CHCHD6: variants seen among roughly 807,000 people sequenced by gnomAD.
The protein encoded by CHCHD6 is MICOS complex subunit MIC25.
In CHCHD6, 28 loss-of-function variants were observed where a neutral mutation model predicts 32.3. That is an observed-to-expected ratio of 0.87 (90% CI 0.64 to 1.19). CHCHD6 has a LOEUF of 1.19. Among genes scored for constraint, CHCHD6 ranks in the 50% most tolerant of loss-of-function variants. The pLI is 0.00. For missense variants in CHCHD6, 333 were observed against 307.0 expected, an observed-to-expected ratio of 1.08 and a Z score of -0.63; for synonymous variants, 122 against 117.5, an observed-to-expected ratio of 1.04 and a Z score of -0.25.
At chr3:126,723,712 T>A (rs1935413203) in intron 1 of CHCHD6, among the ~76,000 whole-genome samples, 2 of 152,212 alleles carry the variant, frequency 1.3e-5, no homozygotes, top group African/African-American at 4.8e-5. Flanking sequence ...GATGTTTATG[T>A]GATTTCCTTT....
At chr3:126,821,603 T>C (rs1157977534) in intron 4 of CHCHD6, among the ~76,000 whole-genome samples, 2 of 152,196 alleles carry the variant, frequency 1.3e-5, no homozygotes, top group Non-Finnish European at 2.9e-5. Flanking sequence ...CTATGATAAC[T>C]CTTAAGTTTA....
At chr3:126,928,941 G>C (rs1241450863) in intron 6 of CHCHD6, among the ~76,000 whole-genome samples, 1 of 152,184 alleles carries the variant, frequency 6.6e-6, no homozygotes, top group Non-Finnish European at 1.5e-5. Context: ...TCAGTTGCCA[G>C]TGCCCATCCT....
At chr3:126,892,273 G>A (rs1159472445) in intron 5 of CHCHD6, among the ~76,000 whole-genome samples, 1 of 152,184 alleles carries the variant, frequency 6.6e-6, no homozygotes, top group Non-Finnish European at 1.5e-5. Flanking sequence ...TTGTTCTTCA[G>A]TTAAGGCGCT....
intron 4 of CHCHD6, 65 bp from the exon 5 acceptor site, chr3:126,852,582 T>C (rs1941509144): frequency 8.4e-7 from 1 of 1,195,036 alleles, no homozygotes; most frequent in Non-Finnish European, 1.2e-6. Context: ...CGTCGCCTTC[T>C]CCCTGCAGCA....
At chr3:126,728,304 A>G (rs774680813) in intron 2 of CHCHD6, among the ~76,000 whole-genome samples, 46 of 152,300 alleles carry the variant, frequency 3.0e-4, no homozygotes, top group Admixed American at 1.8e-3. Context: ...CAACACTGGA[A>G]TCTGTACCAG....
chr3:126,904,917 G>A (rs535434579), intron 5 of CHCHD6, among the ~76,000 whole-genome samples: 1 of 152,314 alleles, frequency 6.6e-6, no homozygotes, highest in South Asian at 2.1e-4. Context: ...GGGGAAGGGT[G>A]GGGTGCCCTG....
intron 1 of CHCHD6, among the ~76,000 whole-genome samples, chr3:126,708,122 T>A (rs1934583901): frequency 6.6e-6 from 1 of 152,148 alleles, no homozygotes; most frequent in African/African-American, 2.4e-5. Context: ...CAGGAGGAGA[T>A]GTTGACTGTG....
At chr3:126,769,960 C>T (rs909047547) in intron 4 of CHCHD6, among the ~76,000 whole-genome samples, 1 of 152,060 alleles carries the variant, frequency 6.6e-6, no homozygotes, top group Admixed American at 6.5e-5. Flanking sequence ...TTTTTGTATC[C>T]GTGAGCATAG....
chr3:126,951,370 A>C (rs2078713380), intron 6 of CHCHD6, among the ~76,000 whole-genome samples: 1 of 152,224 alleles, frequency 6.6e-6, no homozygotes, highest in East Asian at 1.9e-4. Context: ...ACTGCACAGA[A>C]TGTTGTCATG....
chr3:126,834,418 C>G (rs1940772094), intron 4 of CHCHD6, among the ~76,000 whole-genome samples: 1 of 151,944 alleles, frequency 6.6e-6, no homozygotes, highest in Admixed American at 6.6e-5. Context: ...GCCATAGAAA[C>G]CAGCTCTGGC....
chr3:126,903,855 C>A (rs867735853), intron 5 of CHCHD6, among the ~76,000 whole-genome samples: 126 of 152,320 alleles, frequency 8.3e-4, no homozygotes, highest in African/African-American at 2.9e-3. Context: ...ACTTTGCAGC[C>A]ATTTGAAGCT....
At chr3:126,858,310 G>A (rs986621813) in intron 5 of CHCHD6, among the ~76,000 whole-genome samples, 1 of 143,090 alleles carries the variant, frequency 7.0e-6, no homozygotes, top group Admixed American at 6.9e-5. Flanking sequence ...GCGGGGGCGG[G>A]GGGGAGGGGT....
intron 4 of CHCHD6, among the ~76,000 whole-genome samples, chr3:126,807,198 A>T (rs199914229): frequency 0.028 from 4,241 of 151,720 alleles, 133 homozygotes; most frequent in East Asian, 0.14. Context: ...TAAAGTATAA[A>T]AAAAAAAAAA....
At chr3:126,767,210 G>A (rs1559831668) in intron 4 of CHCHD6, 3 of 1,574,218 alleles carry the variant, frequency 1.9e-6, no homozygotes, top group Non-Finnish European at 2.6e-6. Context: ...GGCCATTTTG[G>A]TAATTGGCTG....
intron 4 of CHCHD6, among the ~76,000 whole-genome samples, chr3:126,801,229 G>A (rs1253118325): frequency 1.3e-5 from 2 of 152,226 alleles, no homozygotes; most frequent in African/African-American, 2.4e-5. Context: ...GCGGTGCAGC[G>A]CACCGTGCGC....
intron 4 of CHCHD6, among the ~76,000 whole-genome samples, chr3:126,838,258 G>A (rs772605591): frequency 1.3e-5 from 2 of 152,286 alleles, no homozygotes; most frequent in African/African-American, 4.8e-5. Context: ...AATTTGTATC[G>A]TGTAATGAGG....
chr3:126,865,973 T>A (rs1346210191), intron 5 of CHCHD6, among the ~76,000 whole-genome samples: 1 of 152,094 alleles, frequency 6.6e-6, no homozygotes, highest in East Asian at 1.9e-4. Context: ...CTAAGTACAG[T>A]GCCCAAGACC....
Position 126,906,454 on chromosome 3 carries a change from C to G in CHCHD6, c.496-8226C>G, listed in dbSNP as rs150050348. On this transcript the variant is annotated intron_variant, in intron 5 of 7. Transcript: ENST00000290913. ...CGGGCTCTGCGGCTTGAGGCCCAAC[C>G]CTGCTGGCCCTCCCTGCATCTGTGC... Among the ~76,000 whole-genome samples, 857 of 152,350 alleles carry G rather than the reference C, an allele frequency of 5.6e-3. 25 individuals are homozygous for G. The highest frequency in any genetic ancestry group is 0.049 in the Admixed American group (744 of 15,302).
intron 4 of CHCHD6, among the ~76,000 whole-genome samples, chr3:126,803,800 C>T (rs1027517483): frequency 1.3e-5 from 2 of 152,072 alleles, no homozygotes; most frequent in Admixed American, 6.5e-5. Flanking sequence ...CAAAATTGAC[C>T]ACATAGTTGG....
Sources: allele counts gnomAD v4.1 joint callset (sites outside exome capture counted in the v4.1 genomes callset), GRCh38; gene constraint gnomAD v4.1.1; transcripts MANE v1.5; gene names NCBI Gene and HGNC (gene_info 2026-07-23, HGNC 2026-07-21).